FLRT1: variants seen among roughly 807,000 people sequenced by gnomAD.
FLRT1 encodes the protein fibronectin leucine rich transmembrane protein 1.
A neutral mutation model predicts 30.9 loss-of-function variants in FLRT1; 14 were observed. That is an observed-to-expected ratio of 0.45 (90% CI 0.30 to 0.71). FLRT1 has a LOEUF of 0.71. Ranked by LOEUF, FLRT1 falls within the 30% of genes least tolerant of loss-of-function variation. The pLI is 0.08. For missense variants in FLRT1, 737 were observed against 949.2 expected (o/e 0.78, Z 2.94); for synonymous variants, 368 against 430.4 (o/e 0.85, Z 1.80).
intron 1 of FLRT1, among the ~76,000 whole-genome samples, chr11:64,072,436 A>G (rs1944127340): frequency 6.8e-6 from 1 of 147,872 alleles, no homozygotes; most frequent in East Asian, 1.9e-4. Flanking sequence ...AAAAAAAAAA[A>G]TAATAATTAC....
At chr11:64,097,637 C>T (rs538672144) in intron 1 of FLRT1, among the ~76,000 whole-genome samples, 19 of 152,368 alleles carry the variant, frequency 1.2e-4, no homozygotes, top group East Asian at 5.8e-4. Context: ...ATTAGCAGAG[C>T]GGAGGCTGGG....
At chr11:64,062,464 G>C (rs1261376144) in intron 1 of FLRT1, among the ~76,000 whole-genome samples, 3 of 152,174 alleles carry the variant, frequency 2.0e-5, no homozygotes, top group Non-Finnish European at 2.9e-5. Context: ...CTCACACAGG[G>C]CTGCAGGAAG....
At chr11:64,112,710 G>A (rs1944884479) in intron 2 of FLRT1, among the ~76,000 whole-genome samples, 3 of 152,190 alleles carry the variant, frequency 2.0e-5, no homozygotes, top group Non-Finnish European at 4.4e-5. Flanking sequence ...AGAGAGCACA[G>A]CACTTGCAAG....
chr11:64,105,637 A>G (rs1944748790), intron 2 of FLRT1, among the ~76,000 whole-genome samples: 1 of 152,220 alleles, frequency 6.6e-6, no homozygotes, highest in East Asian at 1.9e-4. Flanking sequence ...GAGTGACCCC[A>G]CAGGCGTGAG....
intron 1 of FLRT1, among the ~76,000 whole-genome samples, chr11:64,100,001 C>G (rs761184827): frequency 6.6e-6 from 1 of 152,138 alleles, no homozygotes; most frequent in South Asian, 2.1e-4. Flanking sequence ...GTTTCTCTTG[C>G]GCTGTCTTGG....
chr11:64,041,233 T>C (rs1299554037), intron 1 of FLRT1, among the ~76,000 whole-genome samples: 96 of 89,104 alleles, frequency 1.1e-3, no homozygotes, highest in Admixed American at 1.5e-3. Flanking sequence ...AAAAAAAGCA[T>C]GAGCGAGAGA....
At chr11:64,087,174 G>C (rs550816456) in intron 1 of FLRT1, 1 of 152,208 alleles carries the variant, frequency 6.6e-6, no homozygotes, top group African/African-American at 2.4e-5. Context: ...ATGACGGCAC[G>C]GTTCAGTGAG....
intron 1 of FLRT1, among the ~76,000 whole-genome samples, chr11:64,077,808 T>C (rs1944231007): frequency 6.6e-6 from 1 of 152,186 alleles, no homozygotes; most frequent in Admixed American, 6.5e-5. Flanking sequence ...CGGCCGCCGC[T>C]CGGACATTTG....
At chr11:64,050,085 C>T (rs917586711) in intron 1 of FLRT1, among the ~76,000 whole-genome samples, 6 of 152,144 alleles carry the variant, frequency 3.9e-5, no homozygotes, top group African/African-American at 1.2e-4. Context: ...GAGATCTCTC[C>T]GGAGGCTGGG....
At chr11:64,053,627 G>T (rs1043230742) in intron 1 of FLRT1, among the ~76,000 whole-genome samples, 23 of 152,168 alleles carry the variant, frequency 1.5e-4, no homozygotes, top group South Asian at 6.2e-4. Flanking sequence ...CTACCCTGGG[G>T]ATCTACAGGG....
intron 1 of FLRT1, among the ~76,000 whole-genome samples, chr11:64,087,635 C>T (rs1944418021): frequency 1.3e-5 from 2 of 152,236 alleles, no homozygotes; most frequent in Non-Finnish European, 2.9e-5. Flanking sequence ...CCCCAGCCAC[C>T]CTGCAGGACA....
intron 1 of FLRT1, among the ~76,000 whole-genome samples, chr11:64,059,831 C>T (rs879820131): frequency 6.6e-6 from 1 of 152,240 alleles, no homozygotes; most frequent in Non-Finnish European, 1.5e-5. Flanking sequence ...CCCCGAGAGG[C>T]CCGCCCCTAG....
chr11:64,057,410 A>G (rs921986833), intron 1 of FLRT1, among the ~76,000 whole-genome samples: 1 of 152,294 alleles, frequency 6.6e-6, no homozygotes. Flanking sequence ...AGTGACCCAC[A>G]TGGTGCCAGC....
At chr11:64,111,862 G>T (rs1181221964) in intron 2 of FLRT1, among the ~76,000 whole-genome samples, 1 of 152,206 alleles carries the variant, frequency 6.6e-6, no homozygotes, top group African/African-American at 2.4e-5. Context: ...ATGGCCCTGG[G>T]CAAAGGAAGC....
intron 1 of FLRT1, among the ~76,000 whole-genome samples, chr11:64,052,186 C>T (rs1471003370): frequency 1.3e-5 from 2 of 151,912 alleles, no homozygotes; most frequent in African/African-American, 4.8e-5. Context: ...AGCCCCGGTG[C>T]CAAACCAGGG....
rs537905459 is a variant in FLRT1, at chr11:64,096,225, C to T, written c.-1037-6969C>T. 2.3e-4 allele frequency among the ~76,000 whole-genome samples: 35 copies of T among 152,316 alleles called. 1 individual carries two copies. The South Asian group carries it at 7.3e-3, about 32-fold the overall frequency. On this transcript the variant is annotated intron_variant, in intron 1 of 2. Coordinates refer to ENST00000682287, the MANE Select transcript of FLRT1 (RefSeq NM_013280.5). This position sits in a 1 kb window ranked among gnomAD's most constrained non-coding sequence, Gnocchi z 4.6. ...GCACTGTGACGGGCAGGCAGGGGGT[C>T]GAACAGCCACTGTTCTGCCGACAAA...
chr11:64,095,369 C>T (rs1278020614), intron 1 of FLRT1, among the ~76,000 whole-genome samples: 2 of 152,154 alleles, frequency 1.3e-5, no homozygotes, highest in African/African-American at 4.8e-5. Flanking sequence ...AAAGTCTGGC[C>T]GCCTGGGCCG....
chr11:64,053,187 G>C (rs1457387144), intron 1 of FLRT1, among the ~76,000 whole-genome samples: 3 of 152,184 alleles, frequency 2.0e-5, no homozygotes, highest in East Asian at 1.9e-4. Context: ...TGGGGCCCTG[G>C]GGTGGGCGTG....
At chr11:64,098,418 C>A (rs1020744281) in intron 1 of FLRT1, among the ~76,000 whole-genome samples, 1 of 152,234 alleles carries the variant, frequency 6.6e-6, no homozygotes, top group Admixed American at 6.5e-5. Flanking sequence ...CCACTCCCAA[C>A]ATGCTGAGCC....
Sources: gnomAD v4.1 joint callset for allele counts (sites outside exome capture counted in the v4.1 genomes callset) on GRCh38, gnomAD v4.1.1 for gene constraint, Gnocchi (gnomAD v3.1) non-coding constraint, MANE v1.5 for transcripts, NCBI Gene and HGNC (gene_info 2026-07-23, HGNC 2026-07-21) for gene names.